KLHL29: variants seen among roughly 807,000 people sequenced by gnomAD.
KLHL29 encodes kelch-like protein 29.
In KLHL29, 21 loss-of-function variants were observed where a neutral mutation model predicts 80.4. The ratio of observed to expected loss-of-function variants is 0.26; its 90% CI spans 0.19 to 0.38. KLHL29 has a LOEUF of 0.38. Ranked by LOEUF, KLHL29 falls within the 10% of genes least tolerant of loss-of-function variation. The probability of loss-of-function intolerance (pLI) is 1.00; values close to 1 mark genes in which losing one functional copy is unlikely to be tolerated. For missense variants in KLHL29, 867 were observed against 1,223.9 expected (o/e 0.71, Z 4.35); for synonymous variants, 511 against 526.8 (o/e 0.97, Z 0.41).
In KLHL29 at chr2:23,600,077, C is replaced by A. The variant is rs541869179; in HGVS notation, c.285+37596C>A. 3.6e-4 allele frequency among the ~76,000 whole-genome samples: 55 copies of A among 152,190 alleles called. 2 individuals are homozygous for A. Among genetic ancestry groups the A allele is most frequent in the Non-Finnish European group, 5.7e-4 (39 of 68,040 alleles). On this transcript the variant is annotated intron_variant, in intron 3 of 13. Transcript: ENST00000486442. ...TAGGAGGGAAGAGGACATGTATCCG[C>A]ATATGTTAGCTAGAATGCAGCCCAA...
intron 2 of KLHL29, among the ~76,000 whole-genome samples, chr2:23,522,277 G>C (rs1447008158): frequency 6.6e-6 from 1 of 152,060 alleles, no homozygotes; most frequent in Non-Finnish European, 1.5e-5. Flanking sequence ...CAGTCTCTGA[G>C]TAGTTGGGAC....
chr2:23,550,368 GC>G (rs894302317), intron 2 of KLHL29, among the ~76,000 whole-genome samples: 1 of 152,148 alleles, frequency 6.6e-6, no homozygotes, highest in Non-Finnish European at 1.5e-5. Flanking sequence ...CAAGCAGGAG[GC>G]CCCCCAGGTC....
chr2:23,534,380 T>C (rs1666598865), intron 2 of KLHL29, among the ~76,000 whole-genome samples: 2 of 152,374 alleles, frequency 1.3e-5, no homozygotes, highest in Non-Finnish European at 2.9e-5. Context: ...ATGGTTATTA[T>C]GTCTCAATGC....
intron 1 of KLHL29, among the ~76,000 whole-genome samples, chr2:23,406,564 C>T (rs1456081776): frequency 6.6e-6 from 1 of 152,170 alleles, no homozygotes; most frequent in Non-Finnish European, 1.5e-5. Context: ...ATCCTGCCTG[C>T]ATGCCATTCC....
chr2:23,502,646 T>C (rs1665486964), intron 2 of KLHL29, among the ~76,000 whole-genome samples: 1 of 152,250 alleles, frequency 6.6e-6, no homozygotes, highest in Non-Finnish European at 1.5e-5. Flanking sequence ...CCAGCACCTG[T>C]CACTAGGCGC....
At chr2:23,612,643 A>G (rs1668897341) in intron 3 of KLHL29, among the ~76,000 whole-genome samples, 1 of 152,102 alleles carries the variant, frequency 6.6e-6, no homozygotes, top group African/African-American at 2.4e-5. Flanking sequence ...TCAGTAGGCT[A>G]AGGCAGGAGA....
intron 5 of KLHL29, among the ~76,000 whole-genome samples, chr2:23,658,709 G>A (rs1023116420): frequency 1.1e-4 from 16 of 152,322 alleles, no homozygotes; most frequent in East Asian, 3.9e-4. Context: ...TTCCCACAGC[G>A]GAATTGAGTG....
intron 5 of KLHL29, among the ~76,000 whole-genome samples, chr2:23,665,796 A>T (rs543638978): frequency 6.6e-6 from 1 of 152,298 alleles, no homozygotes; most frequent in South Asian, 2.1e-4. Context: ...GAGGCCTCTC[A>T]TGACCGTGAG....
intron 1 of KLHL29, among the ~76,000 whole-genome samples, chr2:23,469,794 G>T (rs2103434189): frequency 6.6e-6 from 1 of 152,250 alleles, no homozygotes; most frequent in South Asian, 2.1e-4. Flanking sequence ...CTTCAGTGCT[G>T]CTGTGGGTGA....
rs548690870 is a variant in KLHL29, at chr2:23,421,404, GCCTCT to G, written c.-154+35639_-154+35643del. ...GCACAGGGAAGTGGAGGCCGTCTCT[GCCTCT>G]CCTCTCCTCTCCTCCTCTTTTGGGG... On this transcript the variant is annotated intron_variant, in intron 1 of 13. Coordinates refer to ENST00000486442, the MANE Select transcript of KLHL29 (RefSeq NM_052920.2). Among the ~76,000 whole-genome samples the G allele has an allele frequency of 3.9e-5, 6 of 152,190 alleles. No homozygotes were observed. The South Asian group carries it at 8.3e-4, about 21-fold the overall frequency.
At chr2:23,484,406 A>G (rs1263603117) in intron 2 of KLHL29, among the ~76,000 whole-genome samples, 1 of 152,214 alleles carries the variant, frequency 6.6e-6, no homozygotes, top group Non-Finnish European at 1.5e-5. Flanking sequence ...AGGTAGCAGC[A>G]ACAGCAAAAA....
At chr2:23,478,907 C>T (rs1664709920) in intron 2 of KLHL29, among the ~76,000 whole-genome samples, 1 of 152,020 alleles carries the variant, frequency 6.6e-6, no homozygotes. Flanking sequence ...TGGGCTTCCA[C>T]ACCCCCCGCC....
chr2:23,650,891 G>T (rs995030537), intron 5 of KLHL29, among the ~76,000 whole-genome samples: 1 of 152,150 alleles, frequency 6.6e-6, no homozygotes, highest in African/African-American at 2.4e-5. Context: ...CCATGGCGTG[G>T]TATGTGTGCC....
At chr2:23,422,087 T>A (rs1307636449) in intron 1 of KLHL29, among the ~76,000 whole-genome samples, 1 of 151,790 alleles carries the variant, frequency 6.6e-6, no homozygotes, top group Non-Finnish European at 1.5e-5. Flanking sequence ...CTCCCTTTGC[T>A]GTCTGTATGT....
At chr2:23,666,990 G>A (rs1312491948) in intron 5 of KLHL29, among the ~76,000 whole-genome samples, 1 of 152,240 alleles carries the variant, frequency 6.6e-6, no homozygotes, top group East Asian at 1.9e-4. Flanking sequence ...GAGTGAGTAG[G>A]GGAGGGGGCT....
At chr2:23,435,041 A>G (rs1257265804) in intron 1 of KLHL29, among the ~76,000 whole-genome samples, 3 of 152,222 alleles carry the variant, frequency 2.0e-5, no homozygotes, top group Non-Finnish European at 1.5e-5. Context: ...ACGCCATTCC[A>G]TAGCTCCATG....
chr2:23,461,333 T>G (rs976823548), intron 1 of KLHL29, among the ~76,000 whole-genome samples: 1 of 152,160 alleles, frequency 6.6e-6, no homozygotes, highest in African/African-American at 2.4e-5. Context: ...GTTCTTTCTG[T>G]CTCCTACTTT....
intron 1 of KLHL29, among the ~76,000 whole-genome samples, chr2:23,434,661 C>T (rs1663288551): frequency 6.6e-6 from 1 of 152,198 alleles, no homozygotes; most frequent in African/African-American, 2.4e-5. Context: ...ACATTTTCTA[C>T]AAAAGAACAA....
At chr2:23,536,918 A>ACACACACACACACACTCTCTCT (rs143009876) in intron 2 of KLHL29, among the ~76,000 whole-genome samples, 6 of 140,650 alleles carry the variant, frequency 4.3e-5, no homozygotes, top group African/African-American at 1.6e-4. Context: ...ACACACACAC[A>ACACACACACACACACTCTCTCT]CTCTCTCTCT....
Sources: allele counts gnomAD v4.1 joint callset (sites outside exome capture counted in the v4.1 genomes callset), GRCh38; gene constraint gnomAD v4.1.1; transcripts MANE v1.5; gene names NCBI Gene and HGNC (gene_info 2026-07-23, HGNC 2026-07-21).